CDH13: variants seen among roughly 807,000 people sequenced by gnomAD.
CDH13 encodes the protein cadherin 13.
In CDH13, 24 loss-of-function variants were observed where a neutral mutation model predicts 63.8. The observed-to-expected ratio is 0.38, with a 90% CI of 0.27 to 0.53. CDH13 has a LOEUF of 0.53. Ranked by LOEUF, CDH13 falls within the 20% of genes least tolerant of loss-of-function variation. CDH13 has a pLI of 0.85. For synonymous variants in CDH13, 503 were observed against 355.3 expected, an observed-to-expected ratio of 1.42 and a Z score of -4.67; for missense variants, 1,049 against 903.1, an observed-to-expected ratio of 1.16 and a Z score of -2.07.
chr16:82,669,124 G>A (rs117585350), intron 1 of CDH13, among the ~76,000 whole-genome samples: 1 of 152,188 alleles, frequency 6.6e-6, no homozygotes, highest in African/African-American at 2.4e-5. Flanking sequence ...TGAGGCTCAG[G>A]TATGAGCAAT....
chr16:83,671,601 C>G (rs1914506797), intron 9 of CDH13, among the ~76,000 whole-genome samples: 1 of 152,186 alleles, frequency 6.6e-6, no homozygotes, highest in Non-Finnish European at 1.5e-5. Context: ...GAATTATTAA[C>G]AGATATGCCA....
At chr16:82,901,326 G>C (rs62035249) in intron 2 of CDH13, among the ~76,000 whole-genome samples, 17,632 of 114,230 alleles carry the variant, frequency 0.15, 1,170 homozygotes, top group African/African-American at 0.21. Flanking sequence ...GTATTCTCCT[G>C]TGTGTGTGTG....
chr16:82,861,368 A>G (rs189766219), intron 2 of CDH13, among the ~76,000 whole-genome samples: 1 of 152,282 alleles, frequency 6.6e-6, no homozygotes, highest in Non-Finnish European at 1.5e-5. Context: ...CAATCAATTG[A>G]TGTCTACACT....
chr16:82,778,694 A>G (rs1597549458), intron 1 of CDH13, among the ~76,000 whole-genome samples: 1 of 151,900 alleles, frequency 6.6e-6, no homozygotes, highest in East Asian at 1.9e-4. Context: ...TTTTCTTCCT[A>G]AAACTAGTAG....
At chr16:82,901,274 A>T (rs16958839) in intron 2 of CDH13, among the ~76,000 whole-genome samples, 4,265 of 151,514 alleles carry the variant, frequency 0.028, 87 homozygotes, top group Middle Eastern at 0.045. Context: ...CAGGCCTTCA[A>T]ATATGATTTA....
chr16:83,446,584 T>C (rs1235530902), intron 6 of CDH13, among the ~76,000 whole-genome samples: 2 of 152,138 alleles, frequency 1.3e-5, no homozygotes, highest in African/African-American at 4.8e-5. Flanking sequence ...CACACAGGGA[T>C]TTGGTACCAT....
chr16:82,731,339 A>C (rs1487420130), intron 1 of CDH13, among the ~76,000 whole-genome samples: 1 of 152,198 alleles, frequency 6.6e-6, no homozygotes, highest in Non-Finnish European at 1.5e-5. Flanking sequence ...ATAAAACTTT[A>C]TTTACCAAAA....
At chr16:82,690,866 C>T (rs1224426080) in intron 1 of CDH13, among the ~76,000 whole-genome samples, 4 of 152,222 alleles carry the variant, frequency 2.6e-5, no homozygotes, top group Admixed American at 2.6e-4. Flanking sequence ...AACTGCCTGT[C>T]CCATCATGGA....
At chr16:82,908,871 T>G (rs950234281) in intron 2 of CDH13, among the ~76,000 whole-genome samples, 1 of 152,214 alleles carries the variant, frequency 6.6e-6, no homozygotes, top group Admixed American at 6.5e-5. Flanking sequence ...CTTATCCACA[T>G]GTTTTTACCA....
At chr16:82,721,311 G>A (rs1229556005) in intron 1 of CDH13, among the ~76,000 whole-genome samples, 2 of 152,158 alleles carry the variant, frequency 1.3e-5, no homozygotes, top group African/African-American at 2.4e-5. Context: ...CACACATGAT[G>A]TGCTGAAGGA....
intron 6 of CDH13, among the ~76,000 whole-genome samples, chr16:83,347,909 C>T (rs985866300): frequency 2.6e-5 from 4 of 152,080 alleles, no homozygotes; most frequent in African/African-American, 4.8e-5. Flanking sequence ...ACCCAAGAAC[C>T]AGCTGGGTGG....
intron 4 of CDH13, among the ~76,000 whole-genome samples, chr16:83,199,435 C>A (rs1433216576): frequency 1.3e-5 from 2 of 152,168 alleles, no homozygotes; most frequent in East Asian, 1.9e-4. Flanking sequence ...GTTCCTCCCC[C>A]TGAACTAGCT....
chr16:82,914,593 T>C (rs2041928321), intron 2 of CDH13, among the ~76,000 whole-genome samples: 1 of 152,022 alleles, frequency 6.6e-6, no homozygotes, highest in Non-Finnish European at 1.5e-5. Context: ...TTTCAAAAGG[T>C]AAAGAGAAAA....
At chr16:83,427,580 G>C (rs1035373889) in intron 6 of CDH13, among the ~76,000 whole-genome samples, 1 of 152,062 alleles carries the variant, frequency 6.6e-6, no homozygotes, top group Non-Finnish European at 1.5e-5. Flanking sequence ...TCACTAAGAT[G>C]GTACAGTTAG....
At chr16:83,712,219 C>T (rs897173868) in intron 10 of CDH13, among the ~76,000 whole-genome samples, 1 of 152,146 alleles carries the variant, frequency 6.6e-6, no homozygotes, top group African/African-American at 2.4e-5. Flanking sequence ...GAACAGGCAC[C>T]ACTAAAATTT....
intron 7 of CDH13, among the ~76,000 whole-genome samples, chr16:83,513,458 G>A (rs1427327833): frequency 6.6e-6 from 1 of 152,102 alleles, no homozygotes; most frequent in Non-Finnish European, 1.5e-5. Context: ...CTGCTATAAA[G>A]ACTTACCCTA....
intron 5 of CDH13, among the ~76,000 whole-genome samples, chr16:83,338,184 T>TAA (rs5818440): frequency 0.073 from 9,855 of 134,974 alleles, 362 homozygotes; most frequent in Non-Finnish European, 0.078. Flanking sequence ...CTCTTCTTTT[T>TAA]AAAAAAAAAA....
intron 7 of CDH13, among the ~76,000 whole-genome samples, chr16:83,553,596 G>T (rs549820472): frequency 3.3e-5 from 5 of 152,028 alleles, no homozygotes; most frequent in Admixed American, 3.3e-4. Flanking sequence ...TCGCTCTGTC[G>T]CCCAGGCTGG....
At chr16:83,295,986 C>G (rs539833228) in intron 5 of CDH13, among the ~76,000 whole-genome samples, 4 of 152,234 alleles carry the variant, frequency 2.6e-5, no homozygotes, top group Admixed American at 1.3e-4. Context: ...AAAATTGTAT[C>G]TTTATGAGCC....
Sources: gnomAD v4.1 joint callset for allele counts (sites outside exome capture counted in the v4.1 genomes callset) on GRCh38, gnomAD v4.1.1 for gene constraint, MANE v1.5 for transcripts, NCBI Gene and HGNC (gene_info 2026-07-23, HGNC 2026-07-21) for gene names.